Variants in RGCC observed in about 807,000 individuals in gnomAD.
RGCC encodes regulator of cell cycle.
Under a neutral mutation model 15.4 loss-of-function variants are expected in RGCC, and 15 were observed. The ratio of observed to expected loss-of-function variants is 0.97; its 90% confidence interval spans 0.65 to 1.50. RGCC has a LOEUF of 1.50. Among genes scored for constraint, RGCC ranks in the 40% most tolerant of loss-of-function variants. The probability of loss-of-function intolerance (pLI) is 0.00; values close to 1 mark genes in which losing one functional copy is unlikely to be tolerated. For missense variants in RGCC, 176 were observed against 189.7 expected, an observed-to-expected ratio of 0.93 and a Z score of 0.42; for synonymous variants, 81 against 78.0, an observed-to-expected ratio of 1.04 and a Z score of -0.20.
intron 4 of RGCC, among the ~76,000 whole-genome samples, chr13:41,469,472 A>G (rs949765891): frequency 1.3e-5 from 2 of 152,146 alleles, no homozygotes; most frequent in Non-Finnish European, 2.9e-5. Flanking sequence ...GCAAGACTGG[A>G]GCATTACCAT....
At position 41,463,986 on chromosome 13, in the gene RGCC, G is replaced by C. The variant is rs78353317; in HGVS notation, c.236-2837G>C. On this transcript the variant is annotated intron_variant, in intron 2 of 4. Transcript: ENST00000379359. ...TGTACGTGGATGGAAACTTGCTGGA[G>C]AGTAGGGGCAGAAGAGAGCTGAAGT... 1,074 of 152,962 alleles carry C rather than the reference G, an allele frequency of 7.0e-3. 10 individuals are homozygous for C. The highest frequency in any genetic ancestry group is 0.024 in the African/African-American group (987 of 41,562). 9.5% of individuals were successfully genotyped at this position (152,962 alleles called of 1,614,324 possible). A position where few individuals can be genotyped will look rare whatever the true frequency, so the allele number is the denominator to read the frequency against.
chr13:41,466,669 G>A (rs747790428), intron 2 of RGCC, among the ~76,000 whole-genome samples, 154 bp from the exon 3 acceptor site: 1 of 152,156 alleles, frequency 6.6e-6, no homozygotes, highest in African/African-American at 2.4e-5. Flanking sequence ...GATTACAGCC[G>A]TGAGCCACCC....
chr13:41,469,708 G>C (rs1389186490), intron 4 of RGCC, among the ~76,000 whole-genome samples: 1 of 152,144 alleles, frequency 6.6e-6, no homozygotes, highest in East Asian at 1.9e-4. Flanking sequence ...ACCTGGATTA[G>C]GTATGCATAC....
chr13:41,468,061 C>T (rs747544363), intron 3 of RGCC, among the ~76,000 whole-genome samples: 5 of 152,200 alleles, frequency 3.3e-5, no homozygotes, highest in Non-Finnish European at 5.9e-5. Context: ...AAAATCTCTA[C>T]ATCTCAGGCT....
chr13:41,461,781 G>T (rs1463292514), intron 2 of RGCC, among the ~76,000 whole-genome samples: 1 of 152,192 alleles, frequency 6.6e-6, no homozygotes, highest in Non-Finnish European at 1.5e-5. Context: ...GACCTTGTGG[G>T]CCCTGGAGAA....
intron 2 of RGCC, among the ~76,000 whole-genome samples, chr13:41,465,543 G>T (rs1243101534): frequency 1.2e-5 from 1 of 80,584 alleles, no homozygotes. Context: ...AGTAAGCTAG[G>T]CCCAGAGATG....
rs2043805177 is a variant in RGCC, at chr13:41,458,506, TC to T, written c.235+39del. 2 of 1,562,358 alleles carry T rather than the reference TC, an allele frequency of 1.3e-6. No individual in the cohort carries two copies. Among genetic ancestry groups the T allele is most frequent in the South Asian group, 2.3e-5 (2 of 86,110 alleles). On this transcript the variant is annotated intron_variant, in intron 2 of 4. Coordinates refer to ENST00000379359, the MANE Select transcript of RGCC (RefSeq NM_014059.3). The surrounding 1 kb of genome is among the most constrained non-coding windows in gnomAD (Gnocchi z 4.4). ...CCCCCGCTAGGATGGCGCCGGGATC[TC>T]CCAGCTCCCAGGACCTGCCCCGCGA...
At chr13:41,463,125 G>A (rs1167264722) in intron 2 of RGCC, among the ~76,000 whole-genome samples, 1 of 152,148 alleles carries the variant, frequency 6.6e-6, no homozygotes, top group Non-Finnish European at 1.5e-5. Context: ...CTTCTAACAA[G>A]GAAGAAACAG....
chr13:41,466,401 T>C (rs999762718), intron 2 of RGCC, among the ~76,000 whole-genome samples: 1 of 152,128 alleles, frequency 6.6e-6, no homozygotes, highest in Admixed American at 6.6e-5. Flanking sequence ...TCTAATCTTT[T>C]TTTTTGAGAC....
intron 2 of RGCC, among the ~76,000 whole-genome samples, chr13:41,462,104 C>T (rs2043824564): frequency 6.6e-6 from 1 of 152,188 alleles, no homozygotes; most frequent in South Asian, 2.1e-4. Flanking sequence ...CAGCCATTCC[C>T]TGTGGCAAAA....
At chr13:41,468,102 G>A (rs888715240) in intron 3 of RGCC, among the ~76,000 whole-genome samples, 2 of 152,190 alleles carry the variant, frequency 1.3e-5, no homozygotes, top group African/African-American at 2.4e-5. Flanking sequence ...ATGAGGACTC[G>A]TTTCCTTGTG....
chr13:41,467,839 T>C (rs1267933122), intron 3 of RGCC, among the ~76,000 whole-genome samples: 1 of 152,186 alleles, frequency 6.6e-6, no homozygotes, highest in Non-Finnish European at 1.5e-5. Context: ...AAAAAGTGGC[T>C]TAAAACGTGC....
rs1274620102 is a variant in RGCC at position 41,466,188 on chromosome 13, CACTCACACACACTCAT to C, written c.236-632_236-617del. On this transcript the variant is annotated intron_variant, in intron 2 of 4. Coordinates refer to ENST00000379359, the MANE Select transcript of RGCC (RefSeq NM_014059.3). ...ACTCTCACACACTTTCTCACACACA[CACTCACACACACTCAT>C]ACACTCACACACTTTCTCACACACA... Among the ~76,000 whole-genome samples the C allele has an allele frequency of 8.9e-3, 421 of 47,474 alleles. 1 individual carries two copies. The highest frequency in any genetic ancestry group is 0.017 in the African/African-American group (399 of 23,566). 31.1% of individuals were successfully genotyped at this position (47,474 alleles called of 152,430 possible). A position where few individuals can be genotyped will look rare whatever the true frequency, so the allele number is the denominator to read the frequency against.
intron 2 of RGCC, among the ~76,000 whole-genome samples, chr13:41,462,295 C>G (rs1364924888): frequency 6.6e-6 from 1 of 152,140 alleles, no homozygotes; most frequent in South Asian, 2.1e-4. Flanking sequence ...TCCCAACCCC[C>G]CTAGCTAAAA....
chr13:41,468,636 G>A, intron 3 of RGCC, 140 bp from the exon 4 acceptor site: 1 of 681,940 alleles, frequency 1.5e-6, no homozygotes, highest in African/African-American at 1.8e-5. Context: ...AGATAAGGAG[G>A]TAGATGTAAA....
chr13:41,459,519 A>G (rs962120052), intron 2 of RGCC, among the ~76,000 whole-genome samples: 5 of 152,220 alleles, frequency 3.3e-5, no homozygotes, highest in African/African-American at 1.2e-4. Flanking sequence ...AGACATGAAC[A>G]TGAGCTGCCC....
At chr13:41,468,720 T>A (rs970301085) in intron 3 of RGCC, 56 bp from the exon 4 acceptor site, 1 of 1,399,584 alleles carries the variant, frequency 7.1e-7, no homozygotes, top group Middle Eastern at 1.8e-4. Context: ...ATCAGCTGTC[T>A]TTGTTATGGA....
Position 41,457,674 on chromosome 13 carries a change from A to G in RGCC, c.-34A>G. On this transcript the variant is annotated 5_prime_UTR_variant, in exon 1 of 5. Transcript: ENST00000379359. This position sits in a 1 kb window ranked among gnomAD's most constrained non-coding sequence, Gnocchi z 4.9. ...CCCGGCTGCCACCTCGCAGGACCCA[A>G]GGCCACGCGCGCCGGGCCCAGCTGA... 1 of 1,497,774 alleles carries G rather than the reference A, an allele frequency of 6.7e-7. No homozygotes were observed. Among genetic ancestry groups the G allele is most frequent in the African/African-American group, 1.5e-5 (1 of 68,482 alleles). 92.8% of individuals were successfully genotyped at this position (1,497,774 alleles called of 1,614,324 possible). A position where few individuals can be genotyped will look rare whatever the true frequency, so the allele number is the denominator to read the frequency against.
At chr13:41,468,924 C>A in intron 4 of RGCC, 86 bp downstream of exon 4, 2 of 1,057,454 alleles carry the variant, frequency 1.9e-6, no homozygotes, top group Non-Finnish European at 2.8e-6. Context: ...ACCAGCTTGC[C>A]CTGGGGCAGA....
Sources: allele counts gnomAD v4.1 joint callset (sites outside exome capture counted in the v4.1 genomes callset), GRCh38; gene constraint gnomAD v4.1.1; non-coding constraint Gnocchi (gnomAD v3.1); transcripts MANE v1.5; gene names NCBI Gene and HGNC (gene_info 2026-07-23, HGNC 2026-07-21).